DSC3: variants seen among roughly 807,000 people sequenced by gnomAD.
DSC3 encodes the protein desmocollin-3.
A neutral mutation model predicts 89.5 loss-of-function variants in DSC3; 97 were observed. That is an observed-to-expected ratio of 1.08 (90% CI 0.92 to 1.28). The LOEUF is 1.28. Among genes scored for constraint, DSC3 ranks in the 50% most tolerant of loss-of-function variants. The probability of loss-of-function intolerance (pLI) is 0.00; values close to 1 mark genes in which losing one functional copy is unlikely to be tolerated. For synonymous variants in DSC3, 436 were observed against 384.1 expected (o/e 1.14, Z -1.58); for missense variants, 1,199 against 1,085.3 (o/e 1.10, Z -1.47).
intron 14 of DSC3, among the ~76,000 whole-genome samples, chr18:31,000,592 A>T (rs2144679092): frequency 6.6e-6 from 1 of 152,326 alleles, no homozygotes; most frequent in Admixed American, 6.5e-5. Flanking sequence ...ACTTGTTTCA[A>T]GCCTCTTTTC....
chr18:30,990,560 G>C lies in DSC3; in HGVS notation c.*3615C>G, dbSNP rs959565279. 5.3e-5 allele frequency: 8 copies of C among 152,194 alleles called. No individual in the cohort carries two copies. The highest frequency in any genetic ancestry group is 1.9e-4 in the African/African-American group (8 of 41,446). The allele number at this position is 152,194 out of a possible 1,614,324, so 9.4% of individuals were successfully genotyped here. On this transcript the variant is annotated 3_prime_UTR_variant, in exon 16 of 16. Coordinates refer to ENST00000360428, the MANE Select transcript of DSC3 (RefSeq NM_001941.5). ...ATGATCAGTCTTAACGTTTGTAGGG[G>C]AGCACACTCCTGCATGGGGAAAAGA...
chr18:31,020,538 T>C (rs1247944327), intron 7 of DSC3, among the ~76,000 whole-genome samples: 1 of 152,198 alleles, frequency 6.6e-6, no homozygotes, highest in Non-Finnish European at 1.5e-5. Context: ...TCCTCTTTTA[T>C]TTTACTGTTC....
rs200117451 is a variant in DSC3 at position 30,990,974 on chromosome 18, T to G, written c.*3201A>C. The G allele has an allele frequency of 6.6e-6, 1 of 151,688 alleles. No homozygotes were observed. Among genetic ancestry groups the G allele is most frequent in the East Asian group, 1.9e-4 (1 of 5,140 alleles). 9.4% of individuals were successfully genotyped at this position (151,688 alleles called of 1,614,324 possible). A position where few individuals can be genotyped will look rare whatever the true frequency, so the allele number is the denominator to read the frequency against. Reference sequence around the variant, plus strand: ...CCCCATTAATACAACAAAGACATAATTATTTCTATTTCCATGCCAGCCATA... The same window carrying G: ...CCCCATTAATACAACAAAGACATAAGTATTTCTATTTCCATGCCAGCCATA... On this transcript the variant is annotated 3_prime_UTR_variant, in exon 16 of 16. Coordinates refer to ENST00000360428, the MANE Select transcript of DSC3 (RefSeq NM_001941.5).
At position 30,994,174 on chromosome 18, in the gene DSC3, A is replaced by G. The variant is rs149881561; in HGVS notation, c.*1T>C. On this transcript the variant is annotated 3_prime_UTR_variant, in exon 16 of 16. Coordinates refer to ENST00000360428, the MANE Select transcript of DSC3 (RefSeq NM_001941.5). ...AAAGACCTAATTGTAGCACTGTGAC[A>G]TTATCTCTTTGTGCATGCTTCTGCT... The G allele has an allele frequency of 2.5e-6, 4 of 1,613,816 alleles. No homozygotes were observed. Among genetic ancestry groups the G allele is most frequent in the Admixed American group, 1.7e-5 (1 of 60,016 alleles).
intron 9 of DSC3, among the ~76,000 whole-genome samples, chr18:31,014,473 A>G (rs879890958): frequency 5.3e-5 from 8 of 152,058 alleles, no homozygotes; most frequent in Non-Finnish European, 1.0e-4. Context: ...TTTCTTTTGA[A>G]CTTTGAATTT....
At position 30,997,092 on chromosome 18, in the gene DSC3, T is replaced by A. The variant is rs141070556; in HGVS notation, c.2236-44A>T. ...ATAATTCATGTTGAGAGGAAATGGA[T>A]TCTAAGTTGTCATGAGAAGGCAAAG... On this transcript the variant is annotated intron_variant, in intron 14 of 15. Transcript: ENST00000360428. 2.5e-4 allele frequency: 401 copies of A among 1,611,374 alleles called. No homozygotes were observed. In the African/African-American group the frequency reaches 4.7e-3, roughly 19 times the overall value.
intron 14 of DSC3, among the ~76,000 whole-genome samples, chr18:30,997,762 T>C (rs1984525506): frequency 1.3e-5 from 2 of 152,144 alleles, no homozygotes. Flanking sequence ...AGTAGAGCAT[T>C]AAAATTCAAA....
chr18:31,041,281 A>G (rs558341401), intron 1 of DSC3, among the ~76,000 whole-genome samples: 2 of 152,392 alleles, frequency 1.3e-5, no homozygotes, highest in East Asian at 3.9e-4. Context: ...ATGCTTTTAA[A>G]TATATTACAA....
At position 31,018,196 on chromosome 18, in the gene DSC3, C is replaced by T. The variant is rs1467268485; in HGVS notation, c.1138G>A (p.Asp380Asn). 5 of 1,612,326 alleles carry T rather than the reference C, an allele frequency of 3.1e-6. No homozygotes were observed. Among genetic ancestry groups the T allele is most frequent in the Non-Finnish European group, 4.2e-6 (5 of 1,179,080 alleles). ...TTGGCAGTGTTAATTAAATCCTTAT[C>T]TTCTATAGGTATTCGTAAGATTTCC... is the stretch of plus-strand genomic sequence containing the variant. Reference protein sequence around the residue: ...NVEILRIPIEDKDLINTANWR... With the variant: ...NVEILRIPIENKDLINTANWR... Residue 380 changes from aspartate to asparagine, a missense_variant, in exon 9 of 16, where the codon GAT becomes AAT. Asp to Asn is a conservative substitution (Grantham distance 23). Transcript: ENST00000360428.
Position 31,008,318 on chromosome 18 carries a change from T to G in DSC3, c.1471A>C (p.Asn491His). 3 of 1,614,132 alleles carry G rather than the reference T, an allele frequency of 1.9e-6. No homozygotes were observed. The highest frequency in any genetic ancestry group is 2.5e-6 in the Non-Finnish European group (3 of 1,180,004). Residue 491 changes from asparagine (N) to histidine (H), a missense_variant, in exon 10 of 16, where the codon AAC (asparagine) becomes CAC (histidine). Transcript: ENST00000360428. ...KENLAVGSKI[N>H]GYKAYDPENR... is the part of the protein sequence containing the mutation. ...TCGGGGTCATATGCCTTATAGCCGT[T>G]GATCTTTGACCCCACTGCTAAGTTT...
chr18:31,004,148 G>C lies in DSC3; in HGVS notation c.2107C>G (p.Leu703Val). The C allele has an allele frequency of 6.2e-7, 1 of 1,605,238 alleles. No homozygotes were observed. The highest frequency in any genetic ancestry group is 8.5e-7 in the Non-Finnish European group (1 of 1,172,788). The stretch of plus-strand genomic sequence containing the variant: ...AGAAAGTGAAAATACTTACAAAAGA[G>C]CAGTGCTATACCCAGTAATATTGCA... ...ILAILLGIAL[L>V]FSVLLTLVCG... Residue 703 changes from leucine to valine, a missense_variant, in exon 13 of 16, where the codon CTC becomes GTC. By Grantham distance (32) the Leu-to-Val change is conservative. Coordinates refer to ENST00000360428, the MANE Select transcript of DSC3 (RefSeq NM_001941.5).
chr18:31,037,711 C>G (rs1377606051), intron 1 of DSC3, among the ~76,000 whole-genome samples: 2 of 152,124 alleles, frequency 1.3e-5, no homozygotes, highest in East Asian at 3.9e-4. Context: ...ACATGCCGGA[C>G]CAACATGGTG....
At chr18:31,040,076 A>T (rs276930) in intron 1 of DSC3, among the ~76,000 whole-genome samples, 59,063 of 151,922 alleles carry the variant, frequency 0.39, 12,067 homozygotes, top group East Asian at 0.7. Context: ...ATTAACCCTA[A>T]CAAATATAAA....
In DSC3 at chr18:31,031,039, T is replaced by C. The variant is rs571722361; in HGVS notation, c.288A>G (p.Ile96Met). ...ALSDKKRSFTIWLSDKRKQTQ... is the reference protein window; with the variant it reads ...ALSDKKRSFTMWLSDKRKQTQ... ...TCTGTTTCCTTTTGTCAGAAAGCCA[T>C]ATGGTAAATGATCTTTTCTTATCAG... Residue 96 changes from isoleucine to methionine, a missense_variant, in exon 3 of 16, where the codon ATA becomes ATG. By Grantham distance (10) the Ile-to-Met change is conservative. Coordinates refer to ENST00000360428, the MANE Select transcript of DSC3 (RefSeq NM_001941.5). The C allele has an allele frequency of 1.5e-5, 25 of 1,614,058 alleles. No individual in the cohort carries two copies. In the East Asian group the frequency reaches 3.3e-4, roughly 22 times the overall value.
In DSC3 at chr18:31,018,267, A is replaced by C; in HGVS notation, c.1078-11T>G. 15 of 1,597,818 alleles carry C rather than the reference A, an allele frequency of 9.4e-6. No homozygotes were observed. The highest frequency in any genetic ancestry group is 1.3e-5 in the Non-Finnish European group (15 of 1,174,140). On this transcript the variant is annotated splice_polypyrimidine_tract_variant and intron_variant, in intron 8 of 15. Transcript: ENST00000360428. ...TACAAATGCTTCATACTGAAACAGAAAGAAGTCATTGAAAATTGAAATTTT... is the reference window on the plus strand; with the variant it reads ...TACAAATGCTTCATACTGAAACAGACAGAAGTCATTGAAAATTGAAATTTT...
At chr18:31,038,469 C>T (rs1204734256) in intron 1 of DSC3, among the ~76,000 whole-genome samples, 1 of 152,154 alleles carries the variant, frequency 6.6e-6, no homozygotes, top group Non-Finnish European at 1.5e-5. Context: ...TCTGTATTTT[C>T]AAGTTAATTG....
Position 31,036,187 on chromosome 18 carries a change from C to T in DSC3, c.70-3911G>A, listed in dbSNP as rs553061594. Among the ~76,000 whole-genome samples the T allele has an allele frequency of 9.2e-5, 14 of 152,246 alleles. No individual in the cohort carries two copies. In the South Asian group the frequency reaches 1.0e-3, roughly 11 times the overall value. On this transcript the variant is annotated intron_variant, in intron 1 of 15. Coordinates refer to ENST00000360428, the MANE Select transcript of DSC3 (RefSeq NM_001941.5). ...GTACTAATATCAATTTCTATTAATG[C>T]CCCTAGCATATTAAATCTCTCTATT...
Position 31,022,389 on chromosome 18 carries a change from C to G in DSC3, c.889G>C (p.Val297Leu). 2 of 1,614,046 alleles carry G rather than the reference C, an allele frequency of 1.2e-6. No individual in the cohort carries two copies. The highest frequency in any genetic ancestry group is 4.5e-5 in the East Asian group (2 of 44,866). Residue 297 changes from valine (V) to leucine (L), a missense_variant, in exon 7 of 16, where the codon GTG becomes CTG. Physicochemically the swap from Val to Leu is conservative, Grantham distance 32. Transcript: ENST00000360428. The stretch of plus-strand genomic sequence containing the variant: ...GTGATTACGCCTGTGCTGGGATGCA[C>G]AGAAAAGAGCCCAGGTGACCTTGGT... ...QTPRSPGLFS[V>L]HPSTGVITTV... is the part of the protein sequence containing the mutation.
chr18:31,023,706 G>A (rs546435425), intron 6 of DSC3, among the ~76,000 whole-genome samples: 2 of 152,168 alleles, frequency 1.3e-5, no homozygotes, highest in African/African-American at 4.8e-5. Context: ...ATTGTGAGGG[G>A]TTATTCTCCA....
Sources: gnomAD v4.1 joint callset for allele counts (sites outside exome capture counted in the v4.1 genomes callset) on GRCh38, gnomAD v4.1.1 for gene constraint, MANE v1.5 for transcripts, NCBI Gene and HGNC (gene_info 2026-07-23, HGNC 2026-07-21) for gene names.